The following PRC1 variants were observed in gnomAD, a reference collection of about 807,000 sequenced individuals.
The protein encoded by PRC1 is protein regulator of cytokinesis 1.
PRC1 carries 54 observed loss-of-function variants against 91.2 expected under a neutral mutation model. That is an observed-to-expected ratio of 0.59 (90% CI 0.48 to 0.74). The LOEUF (loss-of-function observed/expected upper bound fraction) is 0.74. PRC1 is among the 30% of genes least tolerant of loss of function. The pLI is 0.00. For synonymous variants in PRC1, 275 were observed against 263.6 expected (o/e 1.04, Z -0.42); for missense variants, 727 against 746.2 (o/e 0.97, Z 0.30).
Position 90,984,633 on chromosome 15 carries a change from G to T in PRC1, c.144+60C>A. On this transcript the variant is annotated intron_variant, in intron 2 of 14. Transcript: ENST00000394249. The surrounding 1 kb of genome is among the most constrained non-coding windows in gnomAD (Gnocchi z 5.1). ...ACATGTCCCTTCTGTATGCTATCTC[G>T]GGTGAGACACCAACATCCTTACCCT... 6.3e-7 allele frequency: 1 copy of T among 1,592,126 alleles called. No individual in the cohort carries two copies. The highest frequency in any genetic ancestry group is 1.1e-5 in the South Asian group (1 of 89,198).
At chr15:90,972,345 T>C (rs1275969596) in intron 11 of PRC1, among the ~76,000 whole-genome samples, 3 of 152,088 alleles carry the variant, frequency 2.0e-5, no homozygotes, top group Non-Finnish European at 4.4e-5. Flanking sequence ...ATGGCGCCAC[T>C]GCACTCCGGT....
chr15:90,969,736 T>C (rs2037895427), intron 12 of PRC1, 113 bp from the exon 13 acceptor site: 1 of 561,564 alleles, frequency 1.8e-6, no homozygotes, highest in South Asian at 6.0e-5. Flanking sequence ...ATGTCTATAA[T>C]CCTATACTTT....
At position 90,984,563 on chromosome 15, in the gene PRC1, C is replaced by G. The variant is rs1161470306; in HGVS notation, c.144+130G>C. ...TTCAAGAAGGGACTTCAAAACCAAA[C>G]CAAACCAAACAGGAAGAGCCTGTGC... On this transcript the variant is annotated intron_variant, in intron 2 of 14. Coordinates refer to ENST00000394249, the MANE Select transcript of PRC1 (RefSeq NM_003981.4). The surrounding 1 kb of genome is among the most constrained non-coding windows in gnomAD (Gnocchi z 5.1). 7.1e-7 allele frequency: 1 copy of G among 1,409,042 alleles called. No homozygotes were observed. The allele number at this position is 1,409,042 out of a possible 1,614,324, so 87.3% of individuals were successfully genotyped here.
intron 8 of PRC1, among the ~76,000 whole-genome samples, chr15:90,977,790 G>C (rs1351457236): frequency 1.3e-5 from 2 of 152,048 alleles, no homozygotes; most frequent in South Asian, 2.1e-4. Context: ...GTTTCACTGT[G>C]TTAGCCAAGA....
intron 3 of PRC1, 143 bp downstream of exon 3, chr15:90,983,875 A>C: frequency 8.8e-7 from 1 of 1,141,072 alleles, no homozygotes; most frequent in Non-Finnish European, 1.2e-6. Flanking sequence ...GGGCCTAATT[A>C]ACTACACAGC....
At chr15:90,969,382 G>A (rs1275353373) in intron 13 of PRC1, 65 bp downstream of exon 13, 4 of 1,520,836 alleles carry the variant, frequency 2.6e-6, no homozygotes, top group East Asian at 4.5e-5. Context: ...CCCCTGGGAA[G>A]ATACCCACTC....
rs147605366 is a variant in PRC1, at chr15:90,968,118, C to T, written c.1792-916G>A. The T allele has an allele frequency of 2.7e-4, 264 of 985,382 alleles. 5 individuals are homozygous for T. The East Asian group carries it at 0.016, about 60-fold the overall frequency. The allele number at this position is 985,382 out of a possible 1,614,324, so 61.0% of individuals were successfully genotyped here. Reference sequence around the variant, plus strand: ...ATCAGCCATAGCAACCCAAACCAGACGAACCTACCTAGGACTAGCCACACA... The same window carrying T: ...ATCAGCCATAGCAACCCAAACCAGATGAACCTACCTAGGACTAGCCACACA... On this transcript the variant is annotated intron_variant, in intron 14 of 14. Transcript: ENST00000394249.
rs1187769543 is a variant in PRC1 at position 90,969,099 on chromosome 15, T to A, written c.1771A>T (p.Ser591Cys). The part of the protein sequence containing the change: ...EFAKDPSLSD[S>C]STVGLQRELS... ...CAGACCTGAAGCCCAACAGTGGAAC[T>A]GTCAGAGAGGGACGGATCCTTCTAA... The change falls in exon 14 of 15, where the codon AGT becomes TGT. Residue 591 changes from serine to cysteine, a missense_variant. By Grantham distance (112) the Ser-to-Cys change is moderately radical (BLOSUM62 -1). Transcript: ENST00000394249. The A allele has an allele frequency of 2.5e-6, 4 of 1,613,946 alleles. No individual in the cohort carries two copies. The highest frequency in any genetic ancestry group is 1.7e-5 in the Admixed American group (1 of 60,016).
intron 1 of PRC1, among the ~76,000 whole-genome samples, chr15:90,993,987 C>G (rs990630980): frequency 1.3e-5 from 2 of 152,210 alleles, no homozygotes; most frequent in Non-Finnish European, 2.9e-5. Flanking sequence ...AGAAAAGCCA[C>G]GACCACAGAA....
At chr15:90,983,807 A>G (rs1317438264) in intron 3 of PRC1, 2 of 480,898 alleles carry the variant, frequency 4.2e-6, no homozygotes, top group East Asian at 3.5e-5. Flanking sequence ...TTGATCATCT[A>G]TTAGTTGCTT....
intron 14 of PRC1, 119 bp from the exon 15 acceptor site, chr15:90,967,321 A>T: frequency 1.3e-6 from 1 of 766,850 alleles, no homozygotes; most frequent in Non-Finnish European, 2.3e-6. Flanking sequence ...TGAGATCCCT[A>T]GCCTGCAATA....
chr15:90,981,590 G>A lies in PRC1; in HGVS notation c.581C>T (p.Thr194Ile). ...CMEALDHTPD[T>I]SFERDVVCED... ...ACACACCACATCTCTTTCAAAGCTT[G>A]TGTCTGGGGTGTGGTCTAATGCTTC... The change falls in exon 5 of 15, where the codon ACA becomes ATA. Residue 194 changes from threonine (T) to isoleucine (I), a missense_variant. Physicochemically the swap from Thr to Ile is moderately conservative, Grantham distance 89. Coordinates refer to ENST00000394249, the MANE Select transcript of PRC1 (RefSeq NM_003981.4). 6.2e-7 allele frequency: 1 copy of A among 1,614,038 alleles called. No individual in the cohort carries two copies. Among genetic ancestry groups the A allele is most frequent in the Non-Finnish European group, 8.5e-7 (1 of 1,179,964 alleles).
intron 8 of PRC1, among the ~76,000 whole-genome samples, chr15:90,978,870 C>T (rs1477326021): frequency 6.6e-6 from 1 of 151,828 alleles, no homozygotes; most frequent in Non-Finnish European, 1.5e-5. Context: ...CCGGAGAAGC[C>T]TGGGGTCCTG....
chr15:90,984,214 T>C lies in PRC1; in HGVS notation c.145-74A>G. The C allele has an allele frequency of 6.5e-7, 1 of 1,545,802 alleles. No individual in the cohort carries two copies. Among genetic ancestry groups the C allele is most frequent in the Non-Finnish European group, 8.8e-7 (1 of 1,139,648 alleles). On this transcript the variant is annotated intron_variant, in intron 2 of 14. Transcript: ENST00000394249. This position sits in a 1 kb window ranked among gnomAD's most constrained non-coding sequence, Gnocchi z 5.1. ...ACTCCCAACACCAATACCAAACTCC[T>C]CAAATTTCTTTTTTCTTTTTCTTTT... is the stretch of plus-strand genomic sequence containing the variant.
intron 6 of PRC1, among the ~76,000 whole-genome samples, 181 bp downstream of exon 6, chr15:90,980,703 G>A (rs1001328629): frequency 1.3e-5 from 2 of 151,720 alleles, no homozygotes; most frequent in African/African-American, 2.4e-5. Flanking sequence ...ACAGGGTTTC[G>A]CCATGTTGTC....
At chr15:90,969,311 G>A in intron 13 of PRC1, 136 bp downstream of exon 13, 1 of 1,285,262 alleles carries the variant, frequency 7.8e-7, no homozygotes, top group Non-Finnish European at 1.1e-6. Context: ...CCCTGCCATG[G>A]TCAAAGCAGG....
chr15:90,969,409 T>A, intron 13 of PRC1, 38 bp downstream of exon 13: 1 of 1,555,304 alleles, frequency 6.4e-7, no homozygotes, highest in Non-Finnish European at 8.7e-7. Flanking sequence ...AACTGTGTGC[T>A]CCCCAGAGAC....
Position 90,980,361 on chromosome 15 carries a change from T to G in PRC1, c.851A>C (p.Glu284Ala). 1 of 1,614,128 alleles carries G rather than the reference T, an allele frequency of 6.2e-7. No individual in the cohort carries two copies. The highest frequency in any genetic ancestry group is 8.5e-7 in the Non-Finnish European group (1 of 1,180,026). ...ALQLEVDRLEELKMQNMKKVI... is the reference protein window; with the variant it reads ...ALQLEVDRLEALKMQNMKKVI... ...TTTCTTCATGTTTTGCATTTTCAGT[T>G]CTTCCAACCGATCCACTTCTAATTG... Residue 284 changes from glutamate (E) to alanine (A), a missense_variant, in exon 7 of 15, where the codon GAA becomes GCA. Coordinates refer to ENST00000394249, the MANE Select transcript of PRC1 (RefSeq NM_003981.4).
intron 14 of PRC1, chr15:90,968,476 A>AT (rs1265740364): frequency 1.0e-6 from 1 of 985,408 alleles, no homozygotes; most frequent in African/African-American, 1.7e-5. Flanking sequence ...GAAATCACAG[A>AT]TTAAGTAAAA....
Sources: allele counts gnomAD v4.1 joint callset (sites outside exome capture counted in the v4.1 genomes callset), GRCh38; gene constraint gnomAD v4.1.1; non-coding constraint Gnocchi (gnomAD v3.1); transcripts MANE v1.5; gene names NCBI Gene and HGNC (gene_info 2026-07-23, HGNC 2026-07-21).